LAPTM4A: variants seen among roughly 807,000 people sequenced by gnomAD.
LAPTM4A encodes lysosomal protein transmembrane 4 alpha.
A neutral mutation model predicts 29.9 loss-of-function variants in LAPTM4A; 19 were observed. The ratio of observed to expected loss-of-function variants is 0.64; its 90% CI spans 0.44 to 0.93. LAPTM4A has a LOEUF of 0.93. Ranked by LOEUF, LAPTM4A falls within the 40% of genes least tolerant of loss-of-function variation. The pLI is 0.00. For missense variants in LAPTM4A, 293 were observed against 288.5 expected (o/e 1.02, Z -0.11); for synonymous variants, 105 against 102.1 (o/e 1.03, Z -0.17).
chr2:20,047,410 G>T (rs1673950693), intron 1 of LAPTM4A, among the ~76,000 whole-genome samples: 1 of 148,384 alleles, frequency 6.7e-6, no homozygotes, highest in South Asian at 2.1e-4. Context: ...AAAAAAAAAG[G>T]CCGGGCGCGG....
At chr2:20,051,321 C>A in intron 1 of LAPTM4A, 89 bp downstream of exon 1, 2 of 800,630 alleles carry the variant, frequency 2.5e-6, no homozygotes, top group Non-Finnish European at 2.1e-6. Flanking sequence ...CCCGCCCCAC[C>A]CAACACCCCG....
rs1486435944 is a variant in LAPTM4A at position 20,034,981 on chromosome 2, A to G, written c.514T>C (p.Phe172Leu). 4 of 1,611,134 alleles carry G rather than the reference A, an allele frequency of 2.5e-6. No homozygotes were observed. In the African/African-American group the frequency reaches 5.4e-5, roughly 22 times the overall value. ...LFIVLVFFAL[F>L]IIFKAYLINC... is the part of the protein sequence containing the mutation. ...CAGCAACGTACCTTAAAAATGATGA[A>G]TAAGGCAAAGAACACAAGAACAATG... The change falls in exon 5 of 7, where the codon TTC becomes CTC. Residue 172 changes from phenylalanine (F) to leucine (L), a missense_variant. Transcript: ENST00000175091.
In LAPTM4A at chr2:20,051,601, G is replaced by A. The variant is rs949768625; in HGVS notation, c.-81C>T. The A allele has an allele frequency of 3.4e-5, 32 of 928,262 alleles. No individual in the cohort carries two copies. The African/African-American group carries it at 4.5e-4, about 13-fold the overall frequency. 57.5% of individuals were successfully genotyped at this position (928,262 alleles called of 1,614,324 possible). A position where few individuals can be genotyped will look rare whatever the true frequency, so the allele number is the denominator to read the frequency against. On this transcript the variant is annotated 5_prime_UTR_variant, in exon 1 of 7. Coordinates refer to ENST00000175091, the MANE Select transcript of LAPTM4A (RefSeq NM_014713.5). ...AGCCAAACTCAAACGGCTGTTTCAC[G>A]GCCTCCAAAACCCAACGACGCGTCT...
At chr2:20,050,087 C>A (rs1297193395) in intron 1 of LAPTM4A, among the ~76,000 whole-genome samples, 1 of 152,058 alleles carries the variant, frequency 6.6e-6, no homozygotes, top group Non-Finnish European at 1.5e-5. Context: ...GCGGTATTTC[C>A]GAATATAAAA....
intron 1 of LAPTM4A, among the ~76,000 whole-genome samples, chr2:20,042,037 T>C (rs567903142): frequency 6.6e-6 from 1 of 152,250 alleles, no homozygotes; most frequent in African/African-American, 2.4e-5. Context: ...TATATTAAAA[T>C]GAGGTAAAGT....
At chr2:20,046,915 T>A (rs953130376) in intron 1 of LAPTM4A, among the ~76,000 whole-genome samples, 2 of 149,066 alleles carry the variant, frequency 1.3e-5, no homozygotes, top group Non-Finnish European at 3.0e-5. Context: ...CGTGAGCCAC[T>A]GCCCTTATAA....
chr2:20,033,875 T>A (rs932895339), intron 6 of LAPTM4A, among the ~76,000 whole-genome samples: 13 of 152,160 alleles, frequency 8.5e-5, no homozygotes, highest in African/African-American at 2.9e-4. Flanking sequence ...ATTAGAGGGC[T>A]GTGAAAGGTA....
At chr2:20,036,173 C>G (rs753919622) in intron 4 of LAPTM4A, among the ~76,000 whole-genome samples, 1 of 104,006 alleles carries the variant, frequency 9.6e-6, no homozygotes, top group Admixed American at 1.1e-4. Flanking sequence ...AGCCGCTGAC[C>G]GTGGCTGACC....
Position 20,051,537 on chromosome 2 carries a change from CCTT to C in LAPTM4A, c.-20_-18del, listed in dbSNP as rs1446090742. The stretch of plus-strand genomic sequence containing the variant: ...GGACACCATCGTAACAGGCGGGCCT[CCTT>C]CTTGGCCGGGCCCCTGACAAACGTT... On this transcript the variant is annotated 5_prime_UTR_variant, in exon 1 of 7. Transcript: ENST00000175091. 3 of 1,517,554 alleles carry C rather than the reference CCTT, an allele frequency of 2.0e-6. No individual in the cohort carries two copies. The highest frequency in any genetic ancestry group is 2.8e-5 in the African/African-American group (2 of 72,320). The allele number at this position is 1,517,554 out of a possible 1,614,324, so 94.0% of individuals were successfully genotyped here.
intron 1 of LAPTM4A, among the ~76,000 whole-genome samples, chr2:20,048,152 T>C (rs911423728): frequency 2.6e-4 from 40 of 152,222 alleles, no homozygotes; most frequent in African/African-American, 9.4e-4. Context: ...GCTCAAAATG[T>C]AGTCTTGTAG....
At chr2:20,037,899 G>A (rs1673714525) in intron 2 of LAPTM4A, among the ~76,000 whole-genome samples, 1 of 152,120 alleles carries the variant, frequency 6.6e-6, no homozygotes, top group Non-Finnish European at 1.5e-5. Context: ...TAGAGAAACA[G>A]GTCCCTGTGC....
rs1476186012 is a variant in LAPTM4A at position 20,040,990 on chromosome 2, T to C, written c.133A>G (p.Ile45Val). The C allele has an allele frequency of 5.0e-6, 8 of 1,613,744 alleles. No homozygotes were observed. In the African/African-American group the frequency reaches 6.7e-5, roughly 13 times the overall value. The change falls in exon 2 of 7, where the codon ATT becomes GTT. Residue 45 changes from isoleucine (I) to valine (V), a missense_variant. By Grantham distance (29) the Ile-to-Val change is conservative. Transcript: ENST00000175091. ...WYMVVNLLMA[I>V]LLTVEVTHPN... ...TGAGTCACTTCCACAGTCAGCAAAATTGCCATCAATAGGTTTACTACCTGG... is the reference window on the plus strand; with the variant it reads ...TGAGTCACTTCCACAGTCAGCAAAACTGCCATCAATAGGTTTACTACCTGG...
chr2:20,042,801 T>C (rs773153192), intron 1 of LAPTM4A, among the ~76,000 whole-genome samples: 6 of 152,230 alleles, frequency 3.9e-5, no homozygotes, highest in Non-Finnish European at 8.8e-5. Context: ...TGTTAACGAC[T>C]CAAGACAGAA....
In LAPTM4A at chr2:20,033,176, T is replaced by C; in HGVS notation, c.*29A>G. Reference sequence around the variant, plus strand: ...AACATAAACAAACAAAAAGCTGGTATAGGATTTATTGTCAAAGGCAGAATT... The same window carrying C: ...AACATAAACAAACAAAAAGCTGGTACAGGATTTATTGTCAAAGGCAGAATT... On this transcript the variant is annotated 3_prime_UTR_variant, in exon 7 of 7. Transcript: ENST00000175091. The C allele has an allele frequency of 1.3e-6, 2 of 1,568,268 alleles. No individual in the cohort carries two copies. The highest frequency in any genetic ancestry group is 8.8e-7 in the Non-Finnish European group (1 of 1,138,196).
intron 4 of LAPTM4A, 74 bp from the exon 5 acceptor site, chr2:20,035,136 GAAGA>G: frequency 2.0e-6 from 2 of 986,492 alleles, no homozygotes; most frequent in Non-Finnish European, 1.6e-6. Flanking sequence ...AAGAGCATCT[GAAGA>G]ATACAAAGGC....
At chr2:20,046,608 C>A (rs1248523437) in intron 1 of LAPTM4A, among the ~76,000 whole-genome samples, 2 of 151,056 alleles carry the variant, frequency 1.3e-5, no homozygotes, top group Non-Finnish European at 2.9e-5. Context: ...CCACTTCAGC[C>A]TCCCCTGTAG....
intron 6 of LAPTM4A, among the ~76,000 whole-genome samples, chr2:20,033,778 C>T (rs965424054): frequency 1.3e-5 from 2 of 152,272 alleles, no homozygotes; most frequent in East Asian, 1.9e-4. Context: ...ACATTCTAAT[C>T]GAAGTGACTC....
chr2:20,038,872 A>C (rs1021128670), intron 2 of LAPTM4A, among the ~76,000 whole-genome samples: 2 of 152,212 alleles, frequency 1.3e-5, no homozygotes, highest in Non-Finnish European at 1.5e-5. Flanking sequence ...AATAATGATG[A>C]ATGACTAGAA....
intron 5 of LAPTM4A, 111 bp downstream of exon 5, chr2:20,034,856 T>A: frequency 1.3e-6 from 1 of 753,580 alleles, no homozygotes; most frequent in Non-Finnish European, 2.3e-6. Context: ...GAATAAACAC[T>A]GTCCCCACAA....
Sources: gnomAD v4.1 joint callset for allele counts (sites outside exome capture counted in the v4.1 genomes callset) on GRCh38, gnomAD v4.1.1 for gene constraint, MANE v1.5 for transcripts, NCBI Gene and HGNC (gene_info 2026-07-23, HGNC 2026-07-21) for gene names.